The following SOX6 variants were observed in gnomAD, a reference collection of about 807,000 sequenced individuals.
SOX6 encodes transcription factor SOX-6.
In SOX6, 11 loss-of-function variants were observed where a neutral mutation model predicts 97.8. The observed-to-expected ratio is 0.11, with a 90% CI of 0.07 to 0.19. The LOEUF (loss-of-function observed/expected upper bound fraction) is 0.19, where lower values mean the gene tolerates loss of function less well. Among genes scored for constraint, SOX6 ranks in the 10% least tolerant of loss-of-function variants. The pLI, the probability that SOX6 is intolerant of heterozygous loss-of-function variation, is 1.00. For missense variants in SOX6, 810 were observed against 1,039.5 expected (o/e 0.78, Z 3.04); for synonymous variants, 360 against 371.4 (o/e 0.97, Z 0.35).
intron 4 of SOX6, among the ~76,000 whole-genome samples, chr11:16,514,338 A>T (rs1860928938): frequency 6.6e-6 from 1 of 152,136 alleles, no homozygotes; most frequent in Non-Finnish European, 1.5e-5. Context: ...TTATTTCACT[A>T]AAAGTAGGTC....
intron 4 of SOX6, among the ~76,000 whole-genome samples, chr11:16,231,851 T>C (rs542949182): frequency 4.0e-5 from 6 of 151,718 alleles, no homozygotes; most frequent in Non-Finnish European, 8.9e-5. Flanking sequence ...TCATAATATA[T>C]CATTAAGTGG....
chr11:16,609,349 C>T lies in SOX6; in HGVS notation n.609+2732G>A, dbSNP rs1173121928. Among the ~76,000 whole-genome samples, 3 of 152,258 alleles carry T rather than the reference C, an allele frequency of 2.0e-5. No homozygotes were observed. The East Asian group carries it at 5.8e-4, about 29-fold the overall frequency. On this transcript the variant is annotated intron_variant and non_coding_transcript_variant, in intron 4 of 5. Coordinates refer to the SOX6 transcript ENST00000524520. Reference sequence around the variant, plus strand: ...AAGCTGGGAAAGAGGTTCTGAAGCACCAGCATAACCTGCAGAGATTTGTGA... The same window carrying T: ...AAGCTGGGAAAGAGGTTCTGAAGCATCAGCATAACCTGCAGAGATTTGTGA...
intron 4 of SOX6, among the ~76,000 whole-genome samples, chr11:16,566,101 A>G (rs1847871418): frequency 1.3e-5 from 2 of 151,704 alleles, no homozygotes; most frequent in Non-Finnish European, 2.9e-5. Context: ...GTCTCAAAAA[A>G]AAAAAAAAAA....
At chr11:16,004,745 C>A (rs12574859) in intron 13 of SOX6, among the ~76,000 whole-genome samples, 13,914 of 151,988 alleles carry the variant, frequency 0.092, 1,307 homozygotes, top group East Asian at 0.36. Flanking sequence ...ACAAAGGCAA[C>A]CAATTTAGTC....
chr11:16,507,451 A>G (rs1228966659), intron 4 of SOX6, among the ~76,000 whole-genome samples: 1 of 152,210 alleles, frequency 6.6e-6, no homozygotes, highest in Non-Finnish European at 1.5e-5. Flanking sequence ...AAGGGCCCAA[A>G]TAGCCAAACC....
chr11:15,982,922 G>A (rs11827376), intron 15 of SOX6, among the ~76,000 whole-genome samples: 178 of 152,016 alleles, frequency 1.2e-3, no homozygotes, highest in African/African-American at 4.1e-3. Context: ...TTGGGAAGAC[G>A]TCATTGTAGC....
At chr11:16,014,905 T>C (rs761449024) in intron 13 of SOX6, 37 bp downstream of exon 13, 14 of 1,571,182 alleles carry the variant, frequency 8.9e-6, no homozygotes, top group African/African-American at 6.8e-5. Flanking sequence ...TGGAAACACA[T>C]GGAGCAGCAG....
intron 1 of SOX6, among the ~76,000 whole-genome samples, chr11:16,373,090 T>C (rs1857534948): frequency 1.3e-5 from 2 of 152,096 alleles, no homozygotes; most frequent in African/African-American, 4.8e-5. Context: ...ATGTTATTCC[T>C]AATAGTGTGT....
chr11:16,551,697 G>A (rs1329795368), intron 4 of SOX6, among the ~76,000 whole-genome samples: 4 of 152,012 alleles, frequency 2.6e-5, no homozygotes, highest in African/African-American at 9.7e-5. Context: ...TCCGCCTCCC[G>A]GGTTCAAGCA....
At chr11:16,053,903 TGA>T (rs1172674861) in intron 10 of SOX6, among the ~76,000 whole-genome samples, 1 of 152,126 alleles carries the variant, frequency 6.6e-6, no homozygotes, top group East Asian at 1.9e-4. Flanking sequence ...TTCAGTAATA[TGA>T]ATTATATTTT....
chr11:16,344,316 G>A (rs936211335), intron 1 of SOX6, among the ~76,000 whole-genome samples: 4 of 151,750 alleles, frequency 2.6e-5, no homozygotes, highest in Non-Finnish European at 1.5e-5. Flanking sequence ...TGTTTTTAAT[G>A]CAGTTTATTA....
At chr11:16,516,617 G>A (rs1226836870) in intron 4 of SOX6, among the ~76,000 whole-genome samples, 10 of 151,518 alleles carry the variant, frequency 6.6e-5, no homozygotes, top group South Asian at 4.2e-4. Context: ...ACTCTCCCAA[G>A]ACTAAACCAG....
intron 3 of SOX6, among the ~76,000 whole-genome samples, chr11:16,704,064 A>G (rs1848113795): frequency 6.6e-6 from 1 of 152,238 alleles, no homozygotes; most frequent in South Asian, 2.1e-4. Context: ...TTAGAGTTGA[A>G]TGATAGACAA....
At chr11:16,594,949 C>T (rs1565189098) in intron 4 of SOX6, among the ~76,000 whole-genome samples, 1 of 152,000 alleles carries the variant, frequency 6.6e-6, no homozygotes, top group African/African-American at 2.4e-5. Flanking sequence ...CCTCGGCCTC[C>T]CCGAAGTGCT....
chr11:16,095,913 TTAAAA>T, intron 9 of SOX6, 78 bp downstream of exon 9: 1 of 1,348,810 alleles, frequency 7.4e-7, no homozygotes, highest in Non-Finnish European at 1.0e-6. Context: ...GTTTGCCACT[TTAAAA>T]AAAAAAAAAA....
intron 4 of SOX6, among the ~76,000 whole-genome samples, chr11:16,548,275 A>T (rs1185687712): frequency 6.6e-6 from 1 of 152,216 alleles, no homozygotes; most frequent in Non-Finnish European, 1.5e-5. Context: ...TGTTAAAGAA[A>T]GTTCTTTAGA....
intron 6 of SOX6, among the ~76,000 whole-genome samples, chr11:16,179,992 T>G (rs1361053879): frequency 1.3e-5 from 2 of 151,806 alleles, no homozygotes; most frequent in Non-Finnish European, 2.9e-5. Flanking sequence ...AGTTGCAAAA[T>G]TCCATCGTTA....
intron 3 of SOX6, among the ~76,000 whole-genome samples, chr11:16,289,362 T>C (rs926454001): frequency 6.6e-6 from 1 of 151,980 alleles, no homozygotes; most frequent in African/African-American, 2.4e-5. Context: ...TCTGGTAGCT[T>C]CCATAACCTA....
At chr11:16,626,310 G>C (rs1180877434) in intron 3 of SOX6, among the ~76,000 whole-genome samples, 1 of 152,114 alleles carries the variant, frequency 6.6e-6, no homozygotes, top group African/African-American at 2.4e-5. Flanking sequence ...GCATTTTTTA[G>C]ACTATCATTT....
Sources: allele counts gnomAD v4.1 joint callset (sites outside exome capture counted in the v4.1 genomes callset), GRCh38; gene constraint gnomAD v4.1.1; transcripts MANE v1.5; gene names NCBI Gene and HGNC (gene_info 2026-07-23, HGNC 2026-07-21).